DTD1: variants seen among roughly 807,000 people sequenced by gnomAD.
DTD1 encodes D-aminoacyl-tRNA deacylase 1.
Under a neutral mutation model 25.6 loss-of-function variants are expected in DTD1, and 13 were observed. That is an observed-to-expected ratio of 0.51 (90% CI 0.33 to 0.81). The LOEUF is 0.81. DTD1 is among the 30% of genes least tolerant of loss of function. The probability of loss-of-function intolerance (pLI) is 0.02; values close to 1 mark genes in which losing one functional copy is unlikely to be tolerated. For synonymous variants in DTD1, 110 were observed against 103.6 expected, an observed-to-expected ratio of 1.06 and a Z score of -0.37; for missense variants, 193 against 266.4, an observed-to-expected ratio of 0.72 and a Z score of 1.92.
intron 4 of DTD1, among the ~76,000 whole-genome samples, chr20:18,697,898 A>G (rs1157419642): frequency 6.6e-6 from 1 of 152,176 alleles, no homozygotes; most frequent in African/African-American, 2.4e-5. Flanking sequence ...GTTAGCCAGG[A>G]TGGTCTCAAT....
At chr20:18,665,618 C>G (rs1300698185) in intron 4 of DTD1, among the ~76,000 whole-genome samples, 3 of 152,200 alleles carry the variant, frequency 2.0e-5, no homozygotes, top group African/African-American at 7.2e-5. Context: ...GCATTTAGGA[C>G]CACCATTCCT....
At chr20:18,707,989 G>A (rs911416869) in intron 4 of DTD1, among the ~76,000 whole-genome samples, 3 of 150,802 alleles carry the variant, frequency 2.0e-5, no homozygotes, top group South Asian at 2.1e-4. Context: ...ATGAGTGGGC[G>A]GGGCTTTGGG....
chr20:18,730,060 G>A (rs2061234959), intron 4 of DTD1, among the ~76,000 whole-genome samples: 1 of 151,990 alleles, frequency 6.6e-6, no homozygotes, highest in Admixed American at 6.6e-5. Context: ...GCTGACTCTT[G>A]TACTCTTCCC....
At chr20:18,607,104 T>C (rs1196910789) in intron 3 of DTD1, among the ~76,000 whole-genome samples, 1 of 152,216 alleles carries the variant, frequency 6.6e-6, no homozygotes, top group South Asian at 2.1e-4. Context: ...TAAATCCCAC[T>C]TGATCATGGT....
intron 4 of DTD1, among the ~76,000 whole-genome samples, chr20:18,725,357 A>G (rs1473464252): frequency 6.6e-6 from 1 of 152,178 alleles, no homozygotes; most frequent in African/African-American, 2.4e-5. Flanking sequence ...GCTAGTCCTC[A>G]GTTTGGTCCA....
At chr20:18,755,589 AG>A (rs1031288403) in intron 5 of DTD1, among the ~76,000 whole-genome samples, 1 of 152,186 alleles carries the variant, frequency 6.6e-6, no homozygotes, top group Non-Finnish European at 1.5e-5. Flanking sequence ...GTCCCTACAA[AG>A]GACATGAACT....
At chr20:18,735,578 T>A (rs1330187903) in intron 4 of DTD1, among the ~76,000 whole-genome samples, 1 of 152,252 alleles carries the variant, frequency 6.6e-6, no homozygotes, top group Non-Finnish European at 1.5e-5. Context: ...ACAAATTGAT[T>A]GTCACAATCT....
intron 4 of DTD1, among the ~76,000 whole-genome samples, chr20:18,737,280 G>GAC (rs923221138): frequency 6.6e-6 from 1 of 152,166 alleles, no homozygotes; most frequent in Non-Finnish European, 1.5e-5. Context: ...GGAGTGAGTA[G>GAC]ACACTCGGGT....
intron 4 of DTD1, among the ~76,000 whole-genome samples, chr20:18,719,202 G>T (rs952523513): frequency 1.3e-5 from 2 of 151,818 alleles, no homozygotes; most frequent in African/African-American, 4.8e-5. Context: ...GTTGGGGATT[G>T]TCTATTTTTT....
At chr20:18,748,932 G>T (rs2061311364) in intron 5 of DTD1, among the ~76,000 whole-genome samples, 1 of 152,146 alleles carries the variant, frequency 6.6e-6, no homozygotes, top group African/African-American at 2.4e-5. Flanking sequence ...AAAGGAGGAG[G>T]CAGTTGTGTT....
At chr20:18,645,235 G>C (rs903322861) in intron 4 of DTD1, among the ~76,000 whole-genome samples, 10 of 152,292 alleles carry the variant, frequency 6.6e-5, no homozygotes, top group African/African-American at 2.2e-4. Flanking sequence ...GAGAGATAGA[G>C]AGAGAGAAAT....
At chr20:18,754,237 T>C (rs1293356010) in intron 5 of DTD1, among the ~76,000 whole-genome samples, 1 of 152,170 alleles carries the variant, frequency 6.6e-6, no homozygotes, top group Non-Finnish European at 1.5e-5. Flanking sequence ...AGGGTTTCCT[T>C]TCTTCTGGTC....
At chr20:18,706,859 C>A (rs1259247745) in intron 4 of DTD1, among the ~76,000 whole-genome samples, 1 of 152,220 alleles carries the variant, frequency 6.6e-6, no homozygotes, top group Admixed American at 6.5e-5. Context: ...TAATTGAGTT[C>A]TTTTTAATCC....
intron 3 of DTD1, among the ~76,000 whole-genome samples, chr20:18,618,268 G>T (rs905960515): frequency 6.6e-6 from 1 of 152,042 alleles, no homozygotes; most frequent in African/African-American, 2.4e-5. Context: ...CACAGAGTGT[G>T]GTTGGACATT....
chr20:18,626,770 A>C (rs554389843), intron 3 of DTD1, among the ~76,000 whole-genome samples: 1 of 152,358 alleles, frequency 6.6e-6, no homozygotes, highest in East Asian at 1.9e-4. Context: ...GAAGAAAAAC[A>C]GGAAAAGAAA....
chr20:18,617,446 A>T (rs2060713517), intron 3 of DTD1, among the ~76,000 whole-genome samples: 1 of 151,640 alleles, frequency 6.6e-6, no homozygotes, highest in Non-Finnish European at 1.5e-5. Flanking sequence ...CTGGACTCAC[A>T]GTTCTAGTTC....
chr20:18,649,473 G>A (rs1301794386), intron 4 of DTD1, among the ~76,000 whole-genome samples: 2 of 151,424 alleles, frequency 1.3e-5, no homozygotes, highest in Non-Finnish European at 2.9e-5. Context: ...CGAGTAGCTG[G>A]CACTACAGGT....
intron 4 of DTD1, among the ~76,000 whole-genome samples, chr20:18,644,765 C>A (rs1222713260): frequency 2.6e-5 from 4 of 152,062 alleles, no homozygotes; most frequent in African/African-American, 9.7e-5. Flanking sequence ...TGAGATAAAT[C>A]AGTTCCATAC....
chr20:18,733,313 A>C (rs1363007908), intron 4 of DTD1, among the ~76,000 whole-genome samples: 1 of 152,216 alleles, frequency 6.6e-6, no homozygotes, highest in Non-Finnish European at 1.5e-5. Flanking sequence ...GCCTGTGGCC[A>C]CAGGGTGTCC....
Sources: gnomAD v4.1 joint callset for allele counts (sites outside exome capture counted in the v4.1 genomes callset) on GRCh38, gnomAD v4.1.1 for gene constraint, MANE v1.5 for transcripts, NCBI Gene and HGNC (gene_info 2026-07-23, HGNC 2026-07-21) for gene names.